The following GLG1 variants were observed in gnomAD, a reference collection of about 807,000 sequenced individuals.
GLG1 encodes the protein Golgi apparatus protein 1.
Under a neutral mutation model 160.5 loss-of-function variants are expected in GLG1, and 38 were observed. That is an observed-to-expected ratio of 0.24 (90% confidence interval 0.18 to 0.31). GLG1 has a LOEUF of 0.31. Ranked by LOEUF, GLG1 falls within the 10% of genes least tolerant of loss-of-function variation. GLG1 has a pLI of 1.00. For synonymous variants in GLG1, 644 were observed against 543.4 expected (o/e 1.19, Z -2.57); for missense variants, 1,373 against 1,505.2 (o/e 0.91, Z 1.45).
intron 6 of GLG1, among the ~76,000 whole-genome samples, chr16:74,494,047 T>G (rs908978882): frequency 1.3e-5 from 2 of 151,852 alleles, no homozygotes; most frequent in Non-Finnish European, 2.9e-5. Flanking sequence ...TGTTGTCAGG[T>G]GCCTGTAGTC....
intron 2 of GLG1, among the ~76,000 whole-genome samples, chr16:74,523,242 G>T (rs944812859): frequency 3.3e-5 from 5 of 152,184 alleles, no homozygotes; most frequent in African/African-American, 9.7e-5. Flanking sequence ...ATTTGGATCT[G>T]CAGGGCATTC....
At chr16:74,468,884 T>C in intron 17 of GLG1, 62 bp downstream of exon 17, 1 of 1,022,340 alleles carries the variant, frequency 9.8e-7, no homozygotes, top group East Asian at 2.4e-5. Flanking sequence ...CCCTAGCCTC[T>C]CCCCAGCTTT....
Position 74,477,526 on chromosome 16 carries a change from C to A in GLG1, c.1835G>T (p.Arg612Leu), listed in dbSNP as rs930772656. The A allele has an allele frequency of 2.5e-6, 4 of 1,611,712 alleles. No individual in the cohort carries two copies. Among genetic ancestry groups the A allele is most frequent in the Non-Finnish European group, 2.5e-6 (3 of 1,178,676 alleles). Residue 612 changes from arginine (R) to leucine (L), a missense_variant, in exon 12 of 26, where the codon CGG becomes CTG. By Grantham distance (102) the Arg-to-Leu change is moderately radical. This residue lies in a region of GLG1 where 386 missense variants were observed against 388.5 expected (regional missense o/e 0.99). Coordinates refer to ENST00000422840, the MANE Select transcript of GLG1 (RefSeq NM_001145667.2). ...RTEEQGRRLS[R>L]ECRAEVQRIL... The stretch of plus-strand genomic sequence containing the variant: ...CCTTTGGACTTCAGCTCGGCACTCC[C>A]GTGAGAGCTGCATGAGAAAAAATGA...
chr16:74,515,692 T>TA (rs1371976523), intron 2 of GLG1, among the ~76,000 whole-genome samples: 2 of 151,586 alleles, frequency 1.3e-5, no homozygotes, highest in African/African-American at 4.9e-5. Flanking sequence ...CCCTAAAACT[T>TA]AAAGTATAAT....
chr16:74,492,376 A>G (rs949435419), intron 7 of GLG1, among the ~76,000 whole-genome samples: 1 of 151,526 alleles, frequency 6.6e-6, no homozygotes, highest in African/African-American at 2.4e-5. Context: ...AAAAAAAAAA[A>G]AAAGAAAAGA....
intron 3 of GLG1, among the ~76,000 whole-genome samples, chr16:74,507,419 T>A (rs565588642): frequency 6.6e-6 from 1 of 152,102 alleles, no homozygotes; most frequent in Non-Finnish European, 1.5e-5. Context: ...TATATATGTA[T>A]CTCTCCAATG....
intron 16 of GLG1, 133 bp from the exon 17 acceptor site, chr16:74,469,196 C>A (rs79369812): frequency 0.017 from 11,231 of 650,384 alleles, 135 homozygotes; most frequent in Middle Eastern, 0.028. Context: ...GTAAGGCTCA[C>A]TGTATTTTTT....
rs1456374479 is a variant in GLG1, at chr16:74,576,769, GA to G, written c.438+29887del. On this transcript the variant is annotated intron_variant, in intron 1 of 25. Coordinates refer to ENST00000422840, the MANE Select transcript of GLG1 (RefSeq NM_001145667.2). The stretch of plus-strand genomic sequence containing the variant: ...CAAAAAAATAATGAAGCCTGCTGAA[GA>G]AAAAATTTTTATTGTTTTCATTTTA... Among the ~76,000 whole-genome samples the G allele has an allele frequency of 2.0e-5, 3 of 152,198 alleles. No homozygotes were observed. In the East Asian group the frequency reaches 5.8e-4, roughly 29 times the overall value.
At position 74,518,998 on chromosome 16, in the gene GLG1, G is replaced by T. The variant is rs560176302; in HGVS notation, c.472-10073C>A. ...TCCCATCACTAGGCATATACCTAAA[G>T]GATTATAAATCATTATATGATAAAG... On this transcript the variant is annotated intron_variant, in intron 2 of 25. Transcript: ENST00000422840. Among the ~76,000 whole-genome samples the T allele has an allele frequency of 1.1e-4, 16 of 152,058 alleles. No individual in the cohort carries two copies. In the East Asian group the frequency reaches 2.9e-3, roughly 28 times the overall value.
chr16:74,534,342 C>T (rs1042394582), intron 1 of GLG1, among the ~76,000 whole-genome samples: 3 of 151,198 alleles, frequency 2.0e-5, no homozygotes, highest in African/African-American at 7.3e-5. Flanking sequence ...GTTTTCTACA[C>T]TATCCTTTTA....
At chr16:74,515,140 A>G (rs1386608833) in intron 2 of GLG1, among the ~76,000 whole-genome samples, 1 of 152,224 alleles carries the variant, frequency 6.6e-6, no homozygotes, top group African/African-American at 2.4e-5. Context: ...ACCCAGATTC[A>G]TAAAGCAAGT....
intron 4 of GLG1, among the ~76,000 whole-genome samples, chr16:74,502,487 T>G (rs962046364): frequency 5.9e-5 from 9 of 152,166 alleles, no homozygotes; most frequent in Admixed American, 5.9e-4. Context: ...TACCTTCACA[T>G]ATCTTAAAAT....
intron 12 of GLG1, among the ~76,000 whole-genome samples, chr16:74,475,048 T>G (rs990183414): frequency 6.7e-6 from 1 of 149,466 alleles, no homozygotes; most frequent in Non-Finnish European, 1.5e-5. Flanking sequence ...TCCCAGCAAC[T>G]CAGGAGGCTA....
rs2014625811 is a variant in GLG1 at position 74,457,947 on chromosome 16, G to A, written c.3192C>T (p.Asp1064=). Residue 1064 remains aspartate, a synonymous_variant, in exon 24 of 26, where the codon GAC becomes GAT. Transcript: ENST00000422840. ...LKESKADIFV[D]PVLHTACALD... is the part of the protein sequence containing the mutation. The stretch of plus-strand genomic sequence containing the variant: ...GGGCACAAGCAGTATGAAGTACCGG[G>A]TCAACAAAGATGTCTGCTTTGCTTT... 1 of 1,613,662 alleles carries A rather than the reference G, an allele frequency of 6.2e-7. No individual in the cohort carries two copies. Among genetic ancestry groups the A allele is most frequent in the East Asian group, 2.2e-5 (1 of 44,884 alleles).
chr16:74,596,900 T>G (rs1014339394), intron 1 of GLG1, among the ~76,000 whole-genome samples: 3 of 152,070 alleles, frequency 2.0e-5, no homozygotes, highest in African/African-American at 7.2e-5. Context: ...GAGGACTGCT[T>G]GAACTCAGGA....
chr16:74,468,985 C>G lies in GLG1; in HGVS notation c.2397G>C (p.Leu799=). 3.1e-6 allele frequency: 5 copies of G among 1,613,636 alleles called. No individual in the cohort carries two copies. The highest frequency in any genetic ancestry group is 4.2e-6 in the Non-Finnish European group (5 of 1,179,464). ...LQEAKEHRVS[L]KCRRQLRVEE... is the part of the protein sequence containing the mutation. ...CCACACGGAGCTGCCTGCGGCACTTCAGGGACACCCTGTGCTCCTTGGCTT... is the reference window on the plus strand; with the variant it reads ...CCACACGGAGCTGCCTGCGGCACTTGAGGGACACCCTGTGCTCCTTGGCTT... Residue 799 remains leucine (L), a synonymous_variant, in exon 17 of 26, where the codon CTG becomes CTC. Transcript: ENST00000422840.
At chr16:74,488,754 G>C (rs576206961) in intron 8 of GLG1, among the ~76,000 whole-genome samples, 1 of 152,096 alleles carries the variant, frequency 6.6e-6, no homozygotes, top group South Asian at 2.1e-4. Flanking sequence ...CGAGTAGCTG[G>C]GACTACAGGT....
Position 74,452,775 on chromosome 16 carries a change from G to T in GLG1, c.*392C>A, listed in dbSNP as rs1224171614. Reference sequence around the variant, plus strand: ...TGCCCAAATCAAGCCTGGAGGAGATGCGTTACTATATACATTTTTTTCTTT... The same window carrying T: ...TGCCCAAATCAAGCCTGGAGGAGATTCGTTACTATATACATTTTTTTCTTT... On this transcript the variant is annotated 3_prime_UTR_variant, in exon 26 of 26. Transcript: ENST00000422840. 4.0e-6 allele frequency: 4 copies of T among 991,522 alleles called. No individual in the cohort carries two copies. The highest frequency in any genetic ancestry group is 4.6e-5 in the South Asian group (1 of 21,710). The allele number at this position is 991,522 out of a possible 1,614,324, so 61.4% of individuals were successfully genotyped here. A position where few individuals can be genotyped will look rare whatever the true frequency, so the allele number is the denominator to read the frequency against.
Position 74,522,826 on chromosome 16 carries a change from G to A in GLG1, c.471+9295C>T, listed in dbSNP as rs566065033. On this transcript the variant is annotated intron_variant, in intron 2 of 25. Coordinates refer to ENST00000422840, the MANE Select transcript of GLG1 (RefSeq NM_001145667.2). ...AGTCTCCAAAGTAGCTGGGACCACA[G>A]GCCTGCATCACCACACCCAGCTAAT... Among the ~76,000 whole-genome samples, 4 of 152,176 alleles carry A rather than the reference G, an allele frequency of 2.6e-5. No homozygotes were observed. In the South Asian group the frequency reaches 8.3e-4, roughly 32 times the overall value.
Sources: gnomAD v4.1 joint callset for allele counts (sites outside exome capture counted in the v4.1 genomes callset) on GRCh38, gnomAD v4.1.1 for gene constraint, gnomAD v4.1.1 regional missense constraint, MANE v1.5 for transcripts, NCBI Gene and HGNC (gene_info 2026-07-23, HGNC 2026-07-21) for gene names.